ITGA7: variants seen among roughly 807,000 people sequenced by gnomAD.
ITGA7 encodes the protein integrin alpha-7.
In ITGA7, 84 loss-of-function variants were observed where a neutral mutation model predicts 131.6. The observed-to-expected ratio is 0.64, with a 90% CI of 0.54 to 0.77. The LOEUF is 0.77. ITGA7 is among the 30% of genes least tolerant of loss of function. The pLI is 0.00. For missense variants in ITGA7, 1,399 were observed against 1,482.9 expected, an observed-to-expected ratio of 0.94 and a Z score of 0.93; for synonymous variants, 548 against 600.7, an observed-to-expected ratio of 0.91 and a Z score of 1.28.
upstream of ITGA7, chr12:55,708,005 G>T: frequency 1.6e-6 from 2 of 1,223,934 alleles, no homozygotes; most frequent in Non-Finnish European, 2.0e-6. Context: ...GTCTCCAAGG[G>T]GATGCCCAGG....
At position 55,684,646 on chromosome 12, in the gene ITGA7, G is replaced by A. The variant is rs569766303; in HGVS notation, c.*412C>T. On this transcript the variant is annotated 3_prime_UTR_variant, in exon 25 of 25. Coordinates refer to ENST00000257879, the MANE Select transcript of ITGA7 (RefSeq NM_002206.3). ...TGATGGCAGCAAACTAAGGTCAGAT[G>A]AGAGGGGAAACTAGAGAAGGAGCAG... The A allele has an allele frequency of 9.8e-6, 2 of 204,274 alleles. No individual in the cohort carries two copies. Among genetic ancestry groups the A allele is most frequent in the East Asian group, 2.4e-4 (2 of 8,464 alleles). The allele number at this position is 204,274 out of a possible 1,614,324, so 12.7% of individuals were successfully genotyped here. A position where few individuals can be genotyped will look rare whatever the true frequency, so the allele number is the denominator to read the frequency against.
At position 55,698,482 on chromosome 12, in the gene ITGA7, A is replaced by G; in HGVS notation, c.1093T>C (p.Trp365Arg). 6.2e-7 allele frequency: 1 copy of G among 1,613,894 alleles called. No homozygotes were observed. Among genetic ancestry groups the G allele is most frequent in the Non-Finnish European group, 8.5e-7 (1 of 1,179,868 alleles). Reference sequence around the variant, plus strand: ...AGCCGGAGAGGGGAGATCCCAGCCCAGTGACCCCCCTGGTTCAAGTACACA... The same window carrying G: ...AGCCGGAGAGGGGAGATCCCAGCCCGGTGACCCCCCTGGTTCAAGTACACA... ...VYVYLNQGGH[W>R]AGISPLRLCG... Residue 365 changes from tryptophan (W) to arginine (R), a missense_variant, in exon 7 of 25, where the codon TGG becomes CGG. By Grantham distance (101) the Trp-to-Arg change is moderately radical (BLOSUM62 -3). Coordinates refer to ENST00000257879, the MANE Select transcript of ITGA7 (RefSeq NM_002206.3).
Position 55,707,824 on chromosome 12 carries a change from T to G in ITGA7, c.-142A>C. 6.0e-4 allele frequency: 389 copies of G among 652,964 alleles called. No individual in the cohort carries two copies. Among genetic ancestry groups the G allele is most frequent in the Non-Finnish European group, 8.4e-4 (359 of 426,652 alleles). 40.4% of individuals were successfully genotyped at this position (652,964 alleles called of 1,614,324 possible). A position where few individuals can be genotyped will look rare whatever the true frequency, so the allele number is the denominator to read the frequency against. ...TCCCAGACGTTCGCCCCGCCAGCCCTCCCGCCCGCCCGCCGCTCCGCCACC... is the reference window on the plus strand; with the variant it reads ...TCCCAGACGTTCGCCCCGCCAGCCCGCCCGCCCGCCCGCCGCTCCGCCACC... On this transcript the variant is annotated 5_prime_UTR_variant, in exon 1 of 25. Transcript: ENST00000257879.
Position 55,698,875 on chromosome 12 carries a change from T to A in ITGA7, c.833A>T (p.Glu278Val), listed in dbSNP as rs750763806. Residue 278 changes from glutamate to valine, a missense_variant, in exon 6 of 25, where the codon GAG (glutamate) becomes GTG (valine). By Grantham distance (121) the Glu-to-Val change is moderately radical. Coordinates refer to ENST00000257879, the MANE Select transcript of ITGA7 (RefSeq NM_002206.3). ...GGGGGCTCCAGCCACAAAGCTCAGC[T>A]CTTCTGCACGCACCAGACCTTTCCC... ...DSGKGLVRAE[E>V]LSFVAGAPRA... The A allele has an allele frequency of 2.8e-5, 45 of 1,613,682 alleles. No homozygotes were observed. The South Asian group carries it at 4.9e-4, about 18-fold the overall frequency.
Position 55,707,890 on chromosome 12 carries a change from A to C in ITGA7, c.-208T>G. 1.4e-6 allele frequency: 2 copies of C among 1,396,572 alleles called. No homozygotes were observed. The highest frequency in any genetic ancestry group is 2.8e-5 in the East Asian group (1 of 36,254). 86.5% of individuals were successfully genotyped at this position (1,396,572 alleles called of 1,614,324 possible). On this transcript the variant is annotated 5_prime_UTR_variant, in exon 1 of 25. Coordinates refer to ENST00000257879, the MANE Select transcript of ITGA7 (RefSeq NM_002206.3). ...CGGCTAGGACAACTACAGCAGCCGC[A>C]GCTCCGGCGCCCACTCCGGCTCCCG...
chr12:55,688,082 T>C lies in ITGA7; in HGVS notation c.3072A>G (p.Val1024=), dbSNP rs778835734. The part of the protein sequence containing the change: ...RDASTVIPVM[V]YLDPMAVVAE... ...CCACCACAGCCATGGGGTCCAAGTA[T>C]ACCATCACTGGGATCTGGGGAGCAA... Residue 1024 remains valine, a synonymous_variant, in exon 24 of 25, where the codon GTA becomes GTG. Coordinates refer to ENST00000257879, the MANE Select transcript of ITGA7 (RefSeq NM_002206.3). 2.5e-6 allele frequency: 4 copies of C among 1,613,870 alleles called. No homozygotes were observed. Among genetic ancestry groups the C allele is most frequent in the Middle Eastern group, 1.6e-4 (1 of 6,084 alleles).
At chr12:55,693,463 G>T in intron 19 of ITGA7, 146 bp from the exon 20 acceptor site, 1 of 730,646 alleles carries the variant, frequency 1.4e-6, no homozygotes, top group Non-Finnish European at 2.3e-6. Flanking sequence ...GCCTCCTGTA[G>T]TGCTGTGATT....
intron 3 of ITGA7, 194 bp downstream of exon 3, chr12:55,702,678 G>A (rs1235317449): frequency 1.6e-6 from 1 of 636,144 alleles, no homozygotes; most frequent in Non-Finnish European, 2.8e-6. Flanking sequence ...ATGGATGAAT[G>A]AATGGACAGA....
At chr12:55,710,375 A>G (rs1875976742), upstream of ITGA7, among the ~76,000 whole-genome samples, 1 of 151,132 alleles carries the variant, frequency 6.6e-6, no homozygotes, top group Non-Finnish European at 1.5e-5. Context: ...AGAAAAAAAA[A>G]AGAAACTAGA....
chr12:55,707,820 G>GGCCAACC lies in ITGA7; in HGVS notation c.-139_-138insGGTTGGC. 6.9e-7 allele frequency: 1 copy of GGCCAACC among 1,455,778 alleles called. No homozygotes were observed. The highest frequency in any genetic ancestry group is 9.1e-7 in the Non-Finnish European group (1 of 1,102,490). The allele number at this position is 1,455,778 out of a possible 1,614,324, so 90.2% of individuals were successfully genotyped here. On this transcript the variant is annotated 5_prime_UTR_variant, in exon 1 of 25. Transcript: ENST00000257879. ...CGTCTCCCAGACGTTCGCCCCGCCA[G>GGCCAACC]CCCTCCCGCCCGCCCGCCGCTCCGC...
upstream of ITGA7, among the ~76,000 whole-genome samples, chr12:55,714,715 T>TAC (rs1169527413): frequency 4.4e-3 from 653 of 149,908 alleles, 4 homozygotes; most frequent in African/African-American, 0.015. Flanking sequence ...TATATACATA[T>TAC]ATACATATAC....
intron 10 of ITGA7, 43 bp downstream of exon 10, chr12:55,697,408 G>T (rs771929933): frequency 9.4e-6 from 15 of 1,597,888 alleles, no homozygotes; most frequent in South Asian, 4.4e-5. Context: ...AGGGAGGGCA[G>T]GGGAAGCTGC....
chr12:55,713,488 TAGCTC>T (rs1876284222), upstream of ITGA7, among the ~76,000 whole-genome samples: 2 of 152,250 alleles, frequency 1.3e-5, no homozygotes, highest in African/African-American at 4.8e-5. Flanking sequence ...ATTTGTATCC[TAGCTC>T]TACCACTAAT....
Position 55,696,267 on chromosome 12 carries a change from C to T in ITGA7, c.1887+16G>A. 6.4e-7 allele frequency: 1 copy of T among 1,559,714 alleles called. No homozygotes were observed. The highest frequency in any genetic ancestry group is 1.2e-5 in the South Asian group (1 of 84,988). ...CCCAGCTCCTCCCCCTGGGCTAAAC[C>T]AGAACCCATGCTCACCTCTGCCCGC... On this transcript the variant is annotated intron_variant, in intron 13 of 24. Coordinates refer to ENST00000257879, the MANE Select transcript of ITGA7 (RefSeq NM_002206.3).
intron 12 of ITGA7, 127 bp downstream of exon 12, chr12:55,696,772 G>A (rs967365766): frequency 3.8e-6 from 4 of 1,058,356 alleles, no homozygotes; most frequent in African/African-American, 1.6e-5. Context: ...TCAGAAGACA[G>A]GTTTCCCACG....
chr12:55,692,895 G>T lies in ITGA7; in HGVS notation c.2793C>A (p.Ser931Arg). ...QQEPGERQEP[S>R]MSWWPVSSAE... ...CAGAGGACACTGGCCACCAGGACAT[G>T]CTGGGCTCCTGCCGCTCACCAGGCT... is the stretch of plus-strand genomic sequence containing the variant. Residue 931 changes from serine to arginine, a missense_variant, in exon 21 of 25, where the codon AGC becomes AGA. Transcript: ENST00000257879. 6.2e-7 allele frequency: 1 copy of T among 1,614,106 alleles called. No homozygotes were observed. Among genetic ancestry groups the T allele is most frequent in the Non-Finnish European group, 8.5e-7 (1 of 1,180,018 alleles).
At chr12:55,695,880 C>A (rs1417398699) in intron 13 of ITGA7, among the ~76,000 whole-genome samples, 1 of 151,904 alleles carries the variant, frequency 6.6e-6, no homozygotes, top group East Asian at 1.9e-4. Context: ...AGAGCTGGGC[C>A]ACACTGCCCC....
At position 55,707,583 on chromosome 12, in the gene ITGA7, A is replaced by G. The variant is rs762727134; in HGVS notation, c.100T>C (p.Phe34Leu). Reference protein sequence around the residue: ...VELLFSRAVAFNLDVMGALRK... With the variant: ...VELLFSRAVALNLDVMGALRK... ...AAGGCACCCATCACGTCCAGATTGA[A>G]GGCGACAGCCCGTGAGAAGAGCAGT... The change falls in exon 1 of 25, where the codon TTC (phenylalanine) becomes CTC (leucine). Residue 34 changes from phenylalanine (F) to leucine (L), a missense_variant. Transcript: ENST00000257879. 2 of 1,613,704 alleles carry G rather than the reference A, an allele frequency of 1.2e-6. No individual in the cohort carries two copies. Among genetic ancestry groups the G allele is most frequent in the African/African-American group, 2.7e-5 (2 of 74,886 alleles).
At position 55,707,384 on chromosome 12, in the gene ITGA7, C is replaced by T; in HGVS notation, c.206+93G>A. On this transcript the variant is annotated intron_variant, in intron 1 of 24. Coordinates refer to ENST00000257879, the MANE Select transcript of ITGA7 (RefSeq NM_002206.3). The stretch of plus-strand genomic sequence containing the variant: ...GTGGGCAGTCTAGGTCTTGGTGGGG[C>T]TAGAAAACAGAGAAATGAGGAGGCC... 3.9e-6 allele frequency: 4 copies of T among 1,036,982 alleles called. No homozygotes were observed. In the East Asian group the frequency reaches 7.2e-5, roughly 19 times the overall value. The allele number at this position is 1,036,982 out of a possible 1,614,324, so 64.2% of individuals were successfully genotyped here.
Sources: gnomAD v4.1 joint callset for allele counts (sites outside exome capture counted in the v4.1 genomes callset) on GRCh38, gnomAD v4.1.1 for gene constraint, MANE v1.5 for transcripts, NCBI Gene and HGNC (gene_info 2026-07-23, HGNC 2026-07-21) for gene names.